The following CALN1 variants were observed in gnomAD, a reference collection of about 807,000 sequenced individuals.
CALN1 encodes calneuron 1, also known as calcium-binding protein 8.
In CALN1, 17 loss-of-function variants were observed where a neutral mutation model predicts 30.6. The ratio of observed to expected loss-of-function variants is 0.56; its 90% CI spans 0.38 to 0.83. The LOEUF is 0.83. Ranked by LOEUF, CALN1 falls within the 40% of genes least tolerant of loss-of-function variation. The pLI, the probability that CALN1 is intolerant of heterozygous loss-of-function variation, is 0.00. For synonymous variants in CALN1, 156 were observed against 131.4 expected, an observed-to-expected ratio of 1.19 and a Z score of -1.28; for missense variants, 291 against 354.9, an observed-to-expected ratio of 0.82 and a Z score of 1.45.
intron 5 of CALN1, among the ~76,000 whole-genome samples, chr7:71,968,671 C>T (rs902774577): frequency 3.3e-5 from 5 of 151,862 alleles, no homozygotes; most frequent in African/African-American, 7.3e-5. Flanking sequence ...TGTGAGCCAC[C>T]GTGCCGGGAC....
chr7:72,380,213 C>T (rs1804802685), intron 2 of CALN1, among the ~76,000 whole-genome samples: 1 of 152,114 alleles, frequency 6.6e-6, no homozygotes, highest in Non-Finnish European at 1.5e-5. Context: ...AGTCAAGCCC[C>T]ACAAATCAGC....
intron 6 of CALN1, among the ~76,000 whole-genome samples, chr7:71,789,667 G>C (rs973182706): frequency 2.6e-5 from 4 of 152,052 alleles, no homozygotes; most frequent in Non-Finnish European, 4.4e-5. Context: ...GTTTACTTTG[G>C]GTCTAGGGGT....
chr7:72,333,693 A>G (rs1362775668), intron 2 of CALN1, among the ~76,000 whole-genome samples: 21 of 61,654 alleles, frequency 3.4e-4, no homozygotes, highest in Admixed American at 8.1e-4. Context: ...AATATGCAGA[A>G]AAAAAAAAAA....
chr7:71,817,910 A>C (rs1365378182), intron 5 of CALN1, among the ~76,000 whole-genome samples: 2 of 151,908 alleles, frequency 1.3e-5, no homozygotes, highest in Non-Finnish European at 2.9e-5. Context: ...GTCAAGGACC[A>C]TGAGTAGCAT....
the CALN1 span, among the ~76,000 whole-genome samples, chr7:72,478,612 G>A: frequency 3.3e-5 from 5 of 151,618 alleles, no homozygotes; most frequent in East Asian, 9.7e-4. Context: ...GAAGCCCAGA[G>A]AAGGCCCCTG....
intron 4 of CALN1, among the ~76,000 whole-genome samples, chr7:72,030,938 A>G (rs1427967670): frequency 2.6e-5 from 4 of 152,068 alleles, no homozygotes; most frequent in Non-Finnish European, 4.4e-5. Context: ...TTCAGAGACA[A>G]GGTCTTGCTA....
At chr7:72,288,543 T>A (rs983359313) in intron 2 of CALN1, among the ~76,000 whole-genome samples, 1 of 152,222 alleles carries the variant, frequency 6.6e-6, no homozygotes, top group African/African-American at 2.4e-5. Context: ...TTTAGATGTA[T>A]TTTAAAAACA....
chr7:72,182,592 C>A (rs936386169), intron 3 of CALN1, among the ~76,000 whole-genome samples: 15 of 152,014 alleles, frequency 9.9e-5, no homozygotes, highest in African/African-American at 3.6e-4. Context: ...TGGTGGCACA[C>A]ACCTGTAGTC....
At chr7:71,918,919 C>T (rs1794808181) in intron 5 of CALN1, among the ~76,000 whole-genome samples, 1 of 152,146 alleles carries the variant, frequency 6.6e-6, no homozygotes, top group African/African-American at 2.4e-5. Flanking sequence ...ATATAACATG[C>T]TTTATGGTTT....
At chr7:72,278,511 A>G (rs989862969) in intron 3 of CALN1, among the ~76,000 whole-genome samples, 175 bp downstream of exon 3, 4 of 142,654 alleles carry the variant, frequency 2.8e-5, no homozygotes, top group Non-Finnish European at 6.0e-5. Context: ...ACACACACAC[A>G]CACGTCACTT....
intron 2 of CALN1, among the ~76,000 whole-genome samples, chr7:72,352,388 C>CCA (rs1753518567): frequency 1.2e-5 from 1 of 82,044 alleles, no homozygotes; most frequent in Admixed American, 1.5e-4. Context: ...GACTCTGTCT[C>CCA]AAAAAAAAAA....
intron 5 of CALN1, among the ~76,000 whole-genome samples, chr7:72,016,631 G>A (rs935241665): frequency 2.0e-5 from 3 of 151,890 alleles, no homozygotes; most frequent in Non-Finnish European, 4.4e-5. Flanking sequence ...AAGAAAGGGT[G>A]TCACTCATTG....
chr7:72,373,010 C>A (rs1426482403), intron 2 of CALN1, among the ~76,000 whole-genome samples: 2 of 152,106 alleles, frequency 1.3e-5, no homozygotes, highest in African/African-American at 4.8e-5. Context: ...ATGGAGAACA[C>A]TTTTGAAAAG....
intron 2 of CALN1, chr7:72,336,639 G>C (rs1432367977): frequency 1.0e-6 from 1 of 959,904 alleles, no homozygotes; most frequent in Non-Finnish European, 1.2e-6. Flanking sequence ...GAGAAGCGAG[G>C]ACCGAGGGAA....
chr7:72,208,191 T>A (rs749682712), intron 3 of CALN1, among the ~76,000 whole-genome samples: 1 of 152,218 alleles, frequency 6.6e-6, no homozygotes, highest in Non-Finnish European at 1.5e-5. Context: ...AAATCCTGAT[T>A]CACATAGATG....
intron 4 of CALN1, among the ~76,000 whole-genome samples, chr7:72,086,284 A>T (rs1805478428): frequency 6.6e-6 from 1 of 152,200 alleles, no homozygotes; most frequent in South Asian, 2.1e-4. Flanking sequence ...TATGTGTTCA[A>T]ATACTCGAAA....
chr7:72,030,552 T>C (rs970995663), intron 4 of CALN1, among the ~76,000 whole-genome samples: 1 of 152,116 alleles, frequency 6.6e-6, no homozygotes. Flanking sequence ...CTGATCCCTA[T>C]GCCCCCACAC....
At chr7:72,372,241 C>G (rs544323595) in intron 2 of CALN1, among the ~76,000 whole-genome samples, 3 of 152,094 alleles carry the variant, frequency 2.0e-5, no homozygotes, top group Admixed American at 1.3e-4. Flanking sequence ...GTGGTGGGGA[C>G]AGTAGGAACC....
Position 71,834,483 on chromosome 7 carries a change from G to A in CALN1, c.502-23991C>T, listed in dbSNP as rs1283798108. Among the ~76,000 whole-genome samples the A allele has an allele frequency of 3.3e-5, 5 of 151,940 alleles. No homozygotes were observed. In the East Asian group the frequency reaches 9.7e-4, roughly 29 times the overall value. ...AAGGTAAGGAATGTGTCCCTTTCAT[G>A]CTGTACAAATATTAGCATCAATTGT... On this transcript the variant is annotated intron_variant, in intron 5 of 6. Coordinates refer to ENST00000395275, the MANE Select transcript of CALN1 (RefSeq NM_031468.4).
Sources: gnomAD v4.1 joint callset for allele counts (sites outside exome capture counted in the v4.1 genomes callset) on GRCh38, gnomAD v4.1.1 for gene constraint, MANE v1.5 for transcripts, NCBI Gene and HGNC (gene_info 2026-07-23, HGNC 2026-07-21) for gene names.